COL24A1: variants seen among roughly 807,000 people sequenced by gnomAD.
The protein encoded by COL24A1 is collagen type XXIV alpha 1 chain.
COL24A1 carries 224 observed loss-of-function variants against 253.9 expected under a neutral mutation model. That is an observed-to-expected ratio of 0.88 (90% CI 0.79 to 0.99). The LOEUF (loss-of-function observed/expected upper bound fraction) is 0.99, where lower values mean the gene tolerates loss of function less well. Ranked by LOEUF, COL24A1 falls within the 50% of genes least tolerant of loss-of-function variation. The pLI, the probability that COL24A1 is intolerant of heterozygous loss-of-function variation, is 0.00. For synonymous variants in COL24A1, 685 were observed against 673.7 expected (o/e 1.02, Z -0.26); for missense variants, 2,131 against 2,068.5 (o/e 1.03, Z -0.59).
At chr1:85,993,593 A>C (rs1694503724) in intron 19 of COL24A1, among the ~76,000 whole-genome samples, 1 of 152,098 alleles carries the variant, frequency 6.6e-6, no homozygotes, top group South Asian at 2.1e-4. Flanking sequence ...TAAAAAGTGA[A>C]CAAGTAAATT....
rs1663272161 is a variant in COL24A1, at chr1:85,729,510, T to G, written c.*1036A>C. 6.6e-6 allele frequency: 1 copy of G among 152,322 alleles called. No homozygotes were observed. Among genetic ancestry groups the G allele is most frequent in the Admixed American group, 6.6e-5 (1 of 15,230 alleles). The allele number at this position is 152,322 out of a possible 1,614,324, so 9.4% of individuals were successfully genotyped here. A position where few individuals can be genotyped will look rare whatever the true frequency, so the allele number is the denominator to read the frequency against. On this transcript the variant is annotated 3_prime_UTR_variant, in exon 60 of 60. Coordinates refer to ENST00000370571, the MANE Select transcript of COL24A1 (RefSeq NM_152890.7). ...TAAATTTAAGTACAGTGAAAGAAAA[T>G]CAATGAATACTACAAAACATATAAT...
intron 3 of COL24A1, 53 bp from the exon 4 acceptor site, chr1:86,115,431 C>T (rs758133386): frequency 3.3e-4 from 509 of 1,522,288 alleles, no homozygotes; most frequent in Non-Finnish European, 4.2e-4. Flanking sequence ...CATTTATTTT[C>T]TTACGAGTCT....
At chr1:85,872,592 A>C (rs982355681) in intron 35 of COL24A1, among the ~76,000 whole-genome samples, 1 of 152,184 alleles carries the variant, frequency 6.6e-6, no homozygotes, top group Non-Finnish European at 1.5e-5. Context: ...TAGGGAAAGG[A>C]TTCCCTATTT....
intron 32 of COL24A1, 125 bp downstream of exon 32, chr1:85,889,435 C>A: frequency 1.3e-6 from 1 of 757,128 alleles, no homozygotes; most frequent in Non-Finnish European, 2.2e-6. Context: ...TGTGATTAGT[C>A]TATGGTGTCT....
At chr1:85,736,552 G>A (rs1156778273) in intron 58 of COL24A1, 2 of 452,430 alleles carry the variant, frequency 4.4e-6, no homozygotes, top group African/African-American at 2.0e-5. Context: ...GGTAATAATG[G>A]TGAATGCCTA....
chr1:85,868,095 T>C (rs1679995780), intron 37 of COL24A1, among the ~76,000 whole-genome samples: 2 of 152,178 alleles, frequency 1.3e-5, no homozygotes, highest in Admixed American at 1.3e-4. Context: ...TTCAAAATGA[T>C]GTTTAGAACT....
chr1:85,919,595 G>A (rs1686244800), intron 24 of COL24A1, among the ~76,000 whole-genome samples: 1 of 152,196 alleles, frequency 6.6e-6, no homozygotes, highest in Admixed American at 6.5e-5. Context: ...GAGGCGGGAG[G>A]CTTGAGCCCA....
At chr1:86,022,623 A>G in intron 16 of COL24A1, 32 bp from the exon 17 acceptor site, 1 of 1,593,242 alleles carries the variant, frequency 6.3e-7, no homozygotes, top group Non-Finnish European at 8.6e-7. Flanking sequence ...AAAGATACTT[A>G]TGTATCACAA....
rs76747467 is a variant in COL24A1, at chr1:86,037,800, G to A, written c.1951-3877C>T. Among the ~76,000 whole-genome samples the A allele has an allele frequency of 3.6e-3, 551 of 152,154 alleles. 5 individuals are homozygous for A. Among genetic ancestry groups the A allele is most frequent in the African/African-American group, 0.013 (531 of 41,530 alleles). On this transcript the variant is annotated intron_variant, in intron 12 of 59. Coordinates refer to ENST00000370571, the MANE Select transcript of COL24A1 (RefSeq NM_152890.7). ...TAGAAACAGAAAACCAATTAAATTG[G>A]TAATTAAATCTTCTTTAGAGAATAT...
At chr1:85,870,820 A>AG (rs1680377071) in intron 35 of COL24A1, among the ~76,000 whole-genome samples, 2 of 152,064 alleles carry the variant, frequency 1.3e-5, no homozygotes, top group African/African-American at 2.4e-5. Context: ...ATTCAAAAGC[A>AG]CACCGAAGGC....
chr1:85,865,907 A>C (rs1319652161), intron 37 of COL24A1, among the ~76,000 whole-genome samples: 2 of 152,174 alleles, frequency 1.3e-5, no homozygotes, highest in African/African-American at 4.8e-5. Context: ...GAACTCTAGA[A>C]AGGAAAAATA....
Position 86,092,974 on chromosome 1 carries a change from A to G in COL24A1, c.1600-654T>C, listed in dbSNP as rs557080242. On this transcript the variant is annotated intron_variant, in intron 5 of 59. Coordinates refer to ENST00000370571, the MANE Select transcript of COL24A1 (RefSeq NM_152890.7). ...TTTTTATGATGCATAGTAGCAAAGT[A>G]ACTCTTTTTCAAACAATTTGTCATA... Among the ~76,000 whole-genome samples, 3 of 152,160 alleles carry G rather than the reference A, an allele frequency of 2.0e-5. No individual in the cohort carries two copies. The East Asian group carries it at 5.8e-4, about 29-fold the overall frequency.
chr1:85,945,019 T>TTTTTTTTTTTTTTTTTTTTTG (rs1553237048), intron 24 of COL24A1, among the ~76,000 whole-genome samples: 4 of 73,390 alleles, frequency 5.5e-5, no homozygotes, highest in Non-Finnish European at 1.1e-4. Context: ...TTTTTTTTTT[T>TTTTTTTTTTTTTTTTTTTTTG]TTTTTTTTTT....
intron 2 of COL24A1, among the ~76,000 whole-genome samples, chr1:86,144,101 A>T (rs984272933): frequency 6.6e-6 from 1 of 152,204 alleles, no homozygotes; most frequent in African/African-American, 2.4e-5. Flanking sequence ...TCAATTTTCT[A>T]AAGTCTGAGA....
chr1:85,911,305 G>A (rs1188385003), intron 25 of COL24A1, 75 bp downstream of exon 25: 1 of 1,117,888 alleles, frequency 8.9e-7, no homozygotes, highest in Admixed American at 1.9e-5. Context: ...TAACATAAAA[G>A]ATCATATGAA....
chr1:85,966,194 G>A (rs943624759), intron 22 of COL24A1, among the ~76,000 whole-genome samples: 2 of 152,128 alleles, frequency 1.3e-5, no homozygotes, highest in African/African-American at 2.4e-5. Context: ...GTGGGAGAAA[G>A]AGAAGACTCA....
intron 43 of COL24A1, among the ~76,000 whole-genome samples, chr1:85,836,465 A>T (rs1004550144): frequency 2.0e-5 from 3 of 152,250 alleles, no homozygotes; most frequent in African/African-American, 7.2e-5. Context: ...GTGAAATCAT[A>T]GCATATACAA....
intron 1 of COL24A1, chr1:86,155,587 T>G (rs1557855295): frequency 6.6e-6 from 1 of 151,886 alleles, no homozygotes; most frequent in Non-Finnish European, 1.5e-5. Context: ...AAAGGGGAGG[T>G]GGGGTGCCCG....
chr1:85,858,512 G>T (rs1303061835), intron 37 of COL24A1, among the ~76,000 whole-genome samples: 25 of 151,970 alleles, frequency 1.6e-4, no homozygotes, highest in Non-Finnish European at 1.5e-5. Context: ...ATGCTTAGGT[G>T]CCTGGCTCAA....
Sources: allele counts gnomAD v4.1 joint callset (sites outside exome capture counted in the v4.1 genomes callset), GRCh38; gene constraint gnomAD v4.1.1; transcripts MANE v1.5; gene names NCBI Gene and HGNC (gene_info 2026-07-23, HGNC 2026-07-21).